The following OTOGL variants were observed in gnomAD, a reference collection of about 807,000 sequenced individuals.
OTOGL encodes otogelin-like protein.
Under a neutral mutation model 318.5 loss-of-function variants are expected in OTOGL, and 285 were observed. The observed-to-expected ratio is 0.89, with a 90% CI of 0.81 to 0.99. OTOGL has a LOEUF of 0.99. Ranked by LOEUF, OTOGL falls within the 50% of genes least tolerant of loss-of-function variation. The pLI is 0.00. For synonymous variants in OTOGL, 987 were observed against 936.5 expected (o/e 1.05, Z -0.99); for missense variants, 2,899 against 2,845.6 (o/e 1.02, Z -0.43).
intron 17 of OTOGL, 28 bp downstream of exon 17, chr12:80,256,488 T>C: frequency 1.3e-6 from 2 of 1,515,106 alleles, no homozygotes; most frequent in Non-Finnish European, 1.8e-6. Context: ...TGGTGTACTT[T>C]CTTTACATCA....
intron 37 of OTOGL, among the ~76,000 whole-genome samples, chr12:80,330,326 A>G (rs1433919321): frequency 6.6e-6 from 1 of 152,206 alleles, no homozygotes; most frequent in Non-Finnish European, 1.5e-5. Context: ...TTTAATCTTA[A>G]TAAGAGCCCT....
rs564985149 is a variant in OTOGL, at chr12:80,261,039, G to A, written c.1890-930G>A. Among the ~76,000 whole-genome samples, 36 of 152,242 alleles carry A rather than the reference G, an allele frequency of 2.4e-4. No individual in the cohort carries two copies. In the South Asian group the frequency reaches 7.2e-3, roughly 31 times the overall value. On this transcript the variant is annotated intron_variant, in intron 18 of 58. Transcript: ENST00000547103. ...GAAAAGGAGAGAAGGACGAAAGGGT[G>A]GGGACAAGGAAATGGCTTGCGTTGC...
At chr12:80,333,918 G>C (rs1416935984) in intron 38 of OTOGL, among the ~76,000 whole-genome samples, 1 of 152,120 alleles carries the variant, frequency 6.6e-6, no homozygotes, top group African/African-American at 2.4e-5. Flanking sequence ...AAGGAGACCT[G>C]TAAGTAATAA....
intron 1 of OTOGL, among the ~76,000 whole-genome samples, chr12:80,181,484 C>T (rs1874917597): frequency 2.0e-5 from 3 of 152,166 alleles, no homozygotes; most frequent in Admixed American, 6.5e-5. Flanking sequence ...AGTCTCCAAT[C>T]ATTGTCATCA....
At chr12:80,345,605 G>T (rs1265299940) in intron 44 of OTOGL, among the ~76,000 whole-genome samples, 3 of 152,032 alleles carry the variant, frequency 2.0e-5, no homozygotes, top group South Asian at 2.1e-4. Flanking sequence ...AAGATAAAAA[G>T]TAAAACCTAA....
chr12:80,328,602 G>C (rs375159192), intron 35 of OTOGL, 63 bp from the exon 36 acceptor site: 1 of 1,140,026 alleles, frequency 8.8e-7, no homozygotes, highest in East Asian at 2.6e-5. Flanking sequence ...GTTAAATGTA[G>C]TCCTTTTTTT....
chr12:80,197,542 G>A (rs557439878), intron 1 of OTOGL, among the ~76,000 whole-genome samples: 18 of 152,086 alleles, frequency 1.2e-4, no homozygotes, highest in Non-Finnish European at 2.5e-4. Flanking sequence ...TATAGAGTTC[G>A]GCTATTTTTG....
chr12:80,368,557 G>T (rs1890695638), intron 55 of OTOGL, among the ~76,000 whole-genome samples: 2 of 152,090 alleles, frequency 1.3e-5, no homozygotes, highest in South Asian at 4.1e-4. Flanking sequence ...TTTTCTAGAT[G>T]TAAGAAATAG....
In OTOGL at chr12:80,265,061, A is replaced by G. The variant is rs1318536206; in HGVS notation, c.2075A>G (p.Tyr692Cys). ...HQELFAPCHI[Y>C]ISPGLYYQLC... is the part of the protein sequence containing the mutation. ...GAGCTCTTTGCTCCTTGCCACATCTATATTAGCCCTGGGCTGTACTATCAG... is the reference window on the plus strand; with the variant it reads ...GAGCTCTTTGCTCCTTGCCACATCTGTATTAGCCCTGGGCTGTACTATCAG... Residue 692 changes from tyrosine (Y) to cysteine (C), a missense_variant, in exon 20 of 59, where the codon TAT (tyrosine) becomes TGT (cysteine). Coordinates refer to ENST00000547103, the MANE Select transcript of OTOGL (RefSeq NM_001378609.3). 1.2e-6 allele frequency: 2 copies of G among 1,613,774 alleles called. No homozygotes were observed. Among genetic ancestry groups the G allele is most frequent in the Non-Finnish European group, 1.7e-6 (2 of 1,179,860 alleles).
rs112517551 is a variant in OTOGL at position 80,351,301 on chromosome 12, T to TG, written c.5266-994_5266-993insG. Among the ~76,000 whole-genome samples, 421 of 150,690 alleles carry TG rather than the reference T, an allele frequency of 2.8e-3. 1 individual carries two copies. Among genetic ancestry groups the TG allele is most frequent in the Non-Finnish European group, 3.2e-3 (217 of 67,786 alleles). On this transcript the variant is annotated intron_variant, in intron 44 of 58. Transcript: ENST00000547103. ...TTTCTTGCCATTGTGTTTTTTTTTTTTTTTTGTTGTTGTTGTTTTGTTTGT... is the reference window on the plus strand; with the variant it reads ...TTTCTTGCCATTGTGTTTTTTTTTTTGTTTTTGTTGTTGTTGTTTTGTTTGT...
Position 80,356,906 on chromosome 12 carries a change from CT to C in OTOGL, c.6016del (p.Cys2006ValfsTer21). On this transcript the variant is annotated frameshift_variant, in exon 49 of 59. Transcript: ENST00000547103. LOFTEE classifies it high-confidence loss of function. ...VRQEEPCCFS[P>X]FCVCESCTKP... ...CAGGAAGAACCTTGTTGTTTTTCCC[CT>C]TTTTGTGGTGAGTATTGTAGAGATA... The C allele has an allele frequency of 5.7e-6, 9 of 1,582,236 alleles. No homozygotes were observed. The Admixed American group carries it at 7.1e-5, about 13-fold the overall frequency.
intron 24 of OTOGL, among the ~76,000 whole-genome samples, chr12:80,273,964 T>C (rs1484838158): frequency 6.6e-6 from 1 of 152,072 alleles, no homozygotes; most frequent in African/African-American, 2.4e-5. Flanking sequence ...GAAAAATTAA[T>C]TGATGAATGT....
At chr12:80,351,877 A>G (rs1889573565) in intron 44 of OTOGL, among the ~76,000 whole-genome samples, 1 of 152,206 alleles carries the variant, frequency 6.6e-6, no homozygotes, top group African/African-American at 2.4e-5. Context: ...TATTAATAAA[A>G]GTTTTGAGAA....
At chr12:80,348,802 G>GT (rs920276651) in intron 44 of OTOGL, among the ~76,000 whole-genome samples, 2 of 152,146 alleles carry the variant, frequency 1.3e-5, no homozygotes, top group Non-Finnish European at 2.9e-5. Context: ...TATTCCAAGA[G>GT]TTTTTTCTGC....
chr12:80,328,851 C>T (rs971462643), intron 36 of OTOGL, 107 bp downstream of exon 36: 7 of 1,144,598 alleles, frequency 6.1e-6, no homozygotes, highest in African/African-American at 3.1e-5. Flanking sequence ...AATCAACTCT[C>T]ATAAGATTAT....
chr12:80,322,678 C>A (rs932693629), intron 34 of OTOGL, among the ~76,000 whole-genome samples: 1 of 152,160 alleles, frequency 6.6e-6, no homozygotes, highest in Non-Finnish European at 1.5e-5. Context: ...AAGGACTTCT[C>A]TATGCTGTGG....
intron 18 of OTOGL, 92 bp downstream of exon 18, chr12:80,258,094 CT>C: frequency 2.6e-6 from 3 of 1,137,344 alleles, no homozygotes; most frequent in Non-Finnish European, 3.5e-6. Flanking sequence ...CTAATAATTG[CT>C]TAGCTGTCAT....
Position 80,336,479 on chromosome 12 carries a change from G to A in OTOGL, c.4667G>A (p.Ser1556Asn), listed in dbSNP as rs2137913831. 4 of 1,608,708 alleles carry A rather than the reference G, an allele frequency of 2.5e-6. No homozygotes were observed. The highest frequency in any genetic ancestry group is 3.4e-6 in the Non-Finnish European group (4 of 1,175,742). Residue 1556 changes from serine to asparagine, a missense_variant, in exon 40 of 59, where the codon AGC (serine) becomes AAC (asparagine). Physicochemically the swap from Ser to Asn is conservative, Grantham distance 46. Transcript: ENST00000547103. ...TFDGNNAALY[S>N]MASYILVRIP... ...GATGGAAACAACGCAGCATTATATA[G>A]CATGGCTTCTTATATCTTAGTAAGA...
intron 44 of OTOGL, among the ~76,000 whole-genome samples, chr12:80,345,167 T>C (rs1889107481): frequency 7.5e-6 from 1 of 133,820 alleles, no homozygotes; most frequent in South Asian, 2.3e-4. Context: ...TATATTATGA[T>C]ATATAATATA....
Sources: allele counts gnomAD v4.1 joint callset (sites outside exome capture counted in the v4.1 genomes callset), GRCh38; gene constraint gnomAD v4.1.1; transcripts MANE v1.5; gene names NCBI Gene and HGNC (gene_info 2026-07-23, HGNC 2026-07-21).